The following NELL1 variants were observed in gnomAD, a reference collection of about 807,000 sequenced individuals.
The protein encoded by NELL1 is protein kinase C-binding protein NELL1.
In NELL1, 76 loss-of-function variants were observed where a neutral mutation model predicts 107.4. The ratio of observed to expected loss-of-function variants is 0.71; its 90% CI spans 0.59 to 0.86. NELL1 has a LOEUF of 0.86. Among genes scored for constraint, NELL1 ranks in the 40% least tolerant of loss-of-function variants. The pLI is 0.00. For missense variants in NELL1, 1,024 were observed against 1,005.5 expected (o/e 1.02, Z -0.25); for synonymous variants, 353 against 341.2 (o/e 1.03, Z -0.38).
chr11:20,786,350 C>CA (rs112874692), intron 3 of NELL1, among the ~76,000 whole-genome samples: 2,365 of 125,340 alleles, frequency 0.019, 72 homozygotes, highest in African/African-American at 0.06. Flanking sequence ...AACCCCATCT[C>CA]AAAAAAAAAA....
chr11:20,893,766 T>C (rs1017053976), intron 5 of NELL1, among the ~76,000 whole-genome samples: 6 of 150,820 alleles, frequency 4.0e-5, no homozygotes, highest in Non-Finnish European at 7.4e-5. Context: ...GAGTATTATA[T>C]TGAATTCATA....
At chr11:20,882,764 T>C (rs1224286133) in intron 4 of NELL1, among the ~76,000 whole-genome samples, 2 of 152,224 alleles carry the variant, frequency 1.3e-5, no homozygotes, top group African/African-American at 4.8e-5. Context: ...TTCCCAATAA[T>C]GTCCTTTATG....
At chr11:21,118,604 G>A (rs1855290821) in intron 13 of NELL1, among the ~76,000 whole-genome samples, 1 of 152,076 alleles carries the variant, frequency 6.6e-6, no homozygotes, top group Non-Finnish European at 1.5e-5. Context: ...TTCATTGCCA[G>A]ATGATTATTT....
At chr11:20,829,813 A>G (rs925609487) in intron 3 of NELL1, among the ~76,000 whole-genome samples, 25 of 152,126 alleles carry the variant, frequency 1.6e-4, no homozygotes, top group African/African-American at 5.8e-4. Context: ...CAAGGATACC[A>G]TAGAAATGAT....
intron 14 of NELL1, among the ~76,000 whole-genome samples, chr11:21,336,674 T>TAC (rs1555005791): frequency 8.0e-4 from 105 of 130,532 alleles, no homozygotes; most frequent in African/African-American, 2.7e-3. Context: ...TATATATATA[T>TAC]ACACACACAC....
At chr11:20,964,707 C>T (rs2134220431) in intron 12 of NELL1, among the ~76,000 whole-genome samples, 1 of 152,294 alleles carries the variant, frequency 6.6e-6, no homozygotes, top group Admixed American at 6.5e-5. Context: ...TGGTTGCCCT[C>T]CCGATTTTGC....
At chr11:21,034,067 C>A (rs1853028221) in intron 12 of NELL1, among the ~76,000 whole-genome samples, 1 of 152,138 alleles carries the variant, frequency 6.6e-6, no homozygotes, top group Non-Finnish European at 1.5e-5. Flanking sequence ...TTGGTGTCTT[C>A]ATTATGAAAC....
At chr11:21,187,729 T>A (rs1856964955) in intron 13 of NELL1, among the ~76,000 whole-genome samples, 1 of 151,754 alleles carries the variant, frequency 6.6e-6, no homozygotes, top group South Asian at 2.1e-4. Flanking sequence ...ATTCAGAGAA[T>A]CATAGAATGT....
At chr11:21,279,795 C>A (rs1848951432) in intron 14 of NELL1, among the ~76,000 whole-genome samples, 1 of 152,196 alleles carries the variant, frequency 6.6e-6, no homozygotes, top group Non-Finnish European at 1.5e-5. Flanking sequence ...TATTCATAAC[C>A]ACCCAAACTT....
intron 14 of NELL1, among the ~76,000 whole-genome samples, chr11:21,309,630 A>C (rs897208744): frequency 6.6e-6 from 1 of 151,972 alleles, no homozygotes; most frequent in African/African-American, 2.4e-5. Context: ...CATACCTGAG[A>C]CTGGGAAGGA....
At chr11:21,061,948 T>C (rs1049461394) in intron 12 of NELL1, among the ~76,000 whole-genome samples, 4 of 152,212 alleles carry the variant, frequency 2.6e-5, no homozygotes, top group Non-Finnish European at 5.9e-5. Flanking sequence ...AGTCTTTCTA[T>C]TCTCTCTCCT....
At chr11:21,490,817 TTAAACA>T (rs1380346953) in intron 15 of NELL1, among the ~76,000 whole-genome samples, 2 of 152,098 alleles carry the variant, frequency 1.3e-5, no homozygotes, top group Non-Finnish European at 2.9e-5. Flanking sequence ...AATTAAGGAC[TTAAACA>T]TAAGACCTGA....
At chr11:21,360,673 G>T (rs983655819) in intron 14 of NELL1, among the ~76,000 whole-genome samples, 1 of 152,062 alleles carries the variant, frequency 6.6e-6, no homozygotes, top group Admixed American at 6.6e-5. Flanking sequence ...GGGAGCTCCA[G>T]TATTAGGTGC....
intron 2 of NELL1, among the ~76,000 whole-genome samples, chr11:20,702,675 A>G (rs945075287): frequency 6.6e-6 from 1 of 152,146 alleles, no homozygotes; most frequent in Non-Finnish European, 1.5e-5. Context: ...TTATTTTGAG[A>G]TACGTCCCAT....
intron 1 of NELL1, chr11:20,670,784 C>G (rs1167720866): frequency 6.6e-6 from 1 of 151,330 alleles, no homozygotes; most frequent in Non-Finnish European, 1.5e-5. Context: ...ATCCTCCGTA[C>G]GCGCTGCACC....
chr11:21,023,123 A>G (rs953116997), intron 12 of NELL1, among the ~76,000 whole-genome samples: 1 of 152,086 alleles, frequency 6.6e-6, no homozygotes, highest in Non-Finnish European at 1.5e-5. Flanking sequence ...GAAAAGCAAA[A>G]CACTATAAAG....
At chr11:20,938,930 CT>C (rs1564976761) in intron 10 of NELL1, among the ~76,000 whole-genome samples, 6 of 123,992 alleles carry the variant, frequency 4.8e-5, no homozygotes, top group Non-Finnish European at 1.1e-4. Flanking sequence ...CTCTCTCTCT[CT>C]CTCTCTCTCT....
chr11:20,892,795 G>A (rs919799296), intron 5 of NELL1, among the ~76,000 whole-genome samples: 2 of 152,124 alleles, frequency 1.3e-5, no homozygotes, highest in Non-Finnish European at 1.5e-5. Context: ...CGGGTGTGGC[G>A]GCACGCGCCA....
chr11:21,522,940 G>A (rs1855766240), intron 15 of NELL1, among the ~76,000 whole-genome samples: 1 of 147,938 alleles, frequency 6.8e-6, no homozygotes, highest in Admixed American at 6.9e-5. Flanking sequence ...TGCCTCCCGG[G>A]TTCACGCCAT....
Sources: allele counts gnomAD v4.1 joint callset (sites outside exome capture counted in the v4.1 genomes callset), GRCh38; gene constraint gnomAD v4.1.1; transcripts MANE v1.5; gene names NCBI Gene and HGNC (gene_info 2026-07-23, HGNC 2026-07-21).